MEGF10: variants seen among roughly 807,000 people sequenced by gnomAD.
MEGF10 encodes multiple epidermal growth factor-like domains protein 10.
Under a neutral mutation model 147.5 loss-of-function variants are expected in MEGF10, and 86 were observed. The observed-to-expected ratio is 0.58, with a 90% confidence interval of 0.49 to 0.70. The LOEUF (loss-of-function observed/expected upper bound fraction) is 0.70. Among genes scored for constraint, MEGF10 ranks in the 30% least tolerant of loss-of-function variants. The probability of loss-of-function intolerance (pLI) is 0.00; values close to 1 mark genes in which losing one functional copy is unlikely to be tolerated. For missense variants in MEGF10, 1,329 were observed against 1,487.3 expected (o/e 0.89, Z 1.75); for synonymous variants, 478 against 525.5 (o/e 0.91, Z 1.24).
chr5:127,242,268 C>T, the MEGF10 span, among the ~76,000 whole-genome samples: 2 of 152,130 alleles, frequency 1.3e-5, no homozygotes. Context: ...AAAGATAGCA[C>T]CAGTACTAGA....
intron 1 of MEGF10, among the ~76,000 whole-genome samples, chr5:127,328,872 G>A (rs1761144885): frequency 6.6e-6 from 1 of 152,144 alleles, no homozygotes; most frequent in African/African-American, 2.4e-5. Context: ...GGAAATAATT[G>A]CCATGCTCAT....
At chr5:127,370,164 A>C (rs138848735) in intron 5 of MEGF10, among the ~76,000 whole-genome samples, 162 bp downstream of exon 5, 62 of 152,348 alleles carry the variant, frequency 4.1e-4, no homozygotes, top group African/African-American at 1.4e-3. Context: ...AAATCTGTAC[A>C]TGTACATATA....
chr5:127,371,867 C>A (rs1032634313), intron 5 of MEGF10, among the ~76,000 whole-genome samples: 6 of 152,042 alleles, frequency 3.9e-5, no homozygotes, highest in Admixed American at 1.3e-4. Context: ...TTATGATGAA[C>A]AAAAGCACAA....
chr5:127,309,315 T>A (rs1760156663), intron 1 of MEGF10, among the ~76,000 whole-genome samples: 1 of 152,234 alleles, frequency 6.6e-6, no homozygotes, highest in Non-Finnish European at 1.5e-5. Context: ...CAATTCAGCA[T>A]TTTTAATGTG....
chr5:127,403,941 T>C (rs1764227212), intron 8 of MEGF10, among the ~76,000 whole-genome samples: 1 of 152,220 alleles, frequency 6.6e-6, no homozygotes, highest in Non-Finnish European at 1.5e-5. Context: ...TGATTTACTT[T>C]CTTTGGGTAT....
In MEGF10 at chr5:127,455,487, G is replaced by C; in HGVS notation, c.3112G>C (p.Val1038Leu). 1 of 1,614,080 alleles carries C rather than the reference G, an allele frequency of 6.2e-7. No homozygotes were observed. The highest frequency in any genetic ancestry group is 8.5e-7 in the Non-Finnish European group (1 of 1,180,014). The change falls in exon 24 of 25, where the codon GTA becomes CTA. Residue 1038 changes from valine to leucine, a missense_variant. Around this residue, in one of 3 missense-constraint regions of MEGF10, gnomAD observed 343 missense variants for 377.9 expected, o/e 0.91. Coordinates refer to ENST00000503335, the MANE Select transcript of MEGF10 (RefSeq NM_001256545.2). ...ATATGCCACTATTAAAGACCCACCT[G>C]TACTTATCCCGAAAAGCTCAGAGTG... ...NPYATIKDPP[V>L]LIPKSSECGY...
chr5:127,296,132 T>C (rs545921569), intron 1 of MEGF10, among the ~76,000 whole-genome samples: 47 of 152,360 alleles, frequency 3.1e-4, no homozygotes, highest in Middle Eastern at 6.8e-3. Context: ...TTAGAGCATT[T>C]AGTAAAAGGA....
At chr5:127,438,167 A>G (rs2408871) in intron 16 of MEGF10, among the ~76,000 whole-genome samples, 2 of 152,032 alleles carry the variant, frequency 1.3e-5, no homozygotes, top group Non-Finnish European at 2.9e-5. Context: ...GTGTTTGTTT[A>G]ATAACTGAAT....
chr5:127,243,609 A>T, the MEGF10 span, among the ~76,000 whole-genome samples: 1 of 152,308 alleles, frequency 6.6e-6, no homozygotes, highest in Non-Finnish European at 1.5e-5. Context: ...ACATCTGATG[A>T]CTTCCTCTTT....
the MEGF10 span, among the ~76,000 whole-genome samples, chr5:127,280,031 A>G: frequency 6.6e-6 from 1 of 152,204 alleles, no homozygotes; most frequent in African/African-American, 2.4e-5. Context: ...TGTGGGCAAA[A>G]GAGTTTATAT....
At chr5:127,342,190 A>G (rs1361440240) in intron 4 of MEGF10, among the ~76,000 whole-genome samples, 1 of 152,088 alleles carries the variant, frequency 6.6e-6, no homozygotes, top group Admixed American at 6.6e-5. Context: ...GCCCAGGCTG[A>G]TGGGAAATTT....
At chr5:127,395,989 C>T (rs1763896425) in intron 5 of MEGF10, among the ~76,000 whole-genome samples, 1 of 152,164 alleles carries the variant, frequency 6.6e-6, no homozygotes, top group Admixed American at 6.5e-5. Flanking sequence ...GTCATCTGGA[C>T]TGTTGCCATT....
In MEGF10 at chr5:127,386,670, C is replaced by T. The variant is rs138497711; in HGVS notation, c.413-9862C>T. Among the ~76,000 whole-genome samples the T allele has an allele frequency of 3.7e-4, 56 of 152,228 alleles. No homozygotes were observed. The South Asian group carries it at 8.1e-3, about 22-fold the overall frequency. ...TCTTGATAGAGTTACTGGGCAATTTCGTTTTTGAAATTTTACATTGTGAGA... is the reference window on the plus strand; with the variant it reads ...TCTTGATAGAGTTACTGGGCAATTTTGTTTTTGAAATTTTACATTGTGAGA... On this transcript the variant is annotated intron_variant, in intron 5 of 24. Transcript: ENST00000503335.
intron 1 of MEGF10, among the ~76,000 whole-genome samples, chr5:127,298,852 G>C (rs1292670578): frequency 6.6e-6 from 1 of 152,116 alleles, no homozygotes; most frequent in African/African-American, 2.4e-5. Context: ...TTCTGCTGCG[G>C]CCAGCCGTCC....
intron 2 of MEGF10, among the ~76,000 whole-genome samples, chr5:127,332,712 G>A (rs977805853): frequency 6.6e-6 from 1 of 152,090 alleles, no homozygotes; most frequent in Non-Finnish European, 1.5e-5. Flanking sequence ...TAAGCAGAAG[G>A]ACTTCCTATT....
chr5:127,387,482 G>A (rs150853880), intron 5 of MEGF10, among the ~76,000 whole-genome samples: 62 of 152,336 alleles, frequency 4.1e-4, no homozygotes, highest in African/African-American at 1.4e-3. Context: ...CAGATAAACA[G>A]TTGTGAGACA....
chr5:127,432,143 T>C (rs1765403625), intron 13 of MEGF10, among the ~76,000 whole-genome samples: 1 of 152,184 alleles, frequency 6.6e-6, no homozygotes, highest in Non-Finnish European at 1.5e-5. Flanking sequence ...CAATGAGGTC[T>C]GCATGCTTTC....
chr5:127,268,217 G>A, the MEGF10 span, among the ~76,000 whole-genome samples: 2 of 152,198 alleles, frequency 1.3e-5, no homozygotes, highest in Non-Finnish European at 2.9e-5. Context: ...TTTCCAGGTA[G>A]TTGAGCAGTT....
intron 5 of MEGF10, among the ~76,000 whole-genome samples, chr5:127,393,639 G>A (rs758553830): frequency 1.3e-5 from 2 of 152,132 alleles, no homozygotes; most frequent in Non-Finnish European, 2.9e-5. Flanking sequence ...AATATAGCCC[G>A]AAGTGGGGAA....
Sources: allele counts gnomAD v4.1 joint callset (sites outside exome capture counted in the v4.1 genomes callset), GRCh38; gene constraint gnomAD v4.1.1; regional missense constraint gnomAD v4.1.1; transcripts MANE v1.5; gene names NCBI Gene and HGNC (gene_info 2026-07-23, HGNC 2026-07-21).